ZNF438: variants seen among roughly 807,000 people sequenced by gnomAD.
The protein encoded by ZNF438 is zinc finger protein 438.
In ZNF438, 25 loss-of-function variants were observed where a neutral mutation model predicts 38.0. That is an observed-to-expected ratio of 0.66 (90% CI 0.48 to 0.92). ZNF438 has a LOEUF of 0.92. Ranked by LOEUF, ZNF438 falls within the 40% of genes least tolerant of loss-of-function variation. The pLI is 0.00. For missense variants in ZNF438, 1,007 were observed against 999.6 expected, an observed-to-expected ratio of 1.01 and a Z score of -0.10; for synonymous variants, 372 against 364.1, an observed-to-expected ratio of 1.02 and a Z score of -0.25.
At chr10:30,879,226 T>C (rs908377222) in intron 3 of ZNF438, among the ~76,000 whole-genome samples, 1 of 152,136 alleles carries the variant, frequency 6.6e-6, no homozygotes, top group Non-Finnish European at 1.5e-5. Flanking sequence ...AAAAAACTCA[T>C]AATCCACAAA....
chr10:30,904,917 T>A (rs1460500302), intron 3 of ZNF438, among the ~76,000 whole-genome samples: 1 of 152,192 alleles, frequency 6.6e-6, no homozygotes, highest in African/African-American at 2.4e-5. Flanking sequence ...TAGTGGCCCC[T>A]GTATCTTTCC....
intron 4 of ZNF438, 136 bp from the exon 6 acceptor site, chr10:30,850,503 G>A (rs1173803346): frequency 2.1e-6 from 2 of 950,614 alleles, no homozygotes; most frequent in Non-Finnish European, 3.0e-6. Flanking sequence ...GCAAAATCTT[G>A]TGTCCCTCAA....
chr10:31,012,119 T>TA (rs1216594307), intron 1 of ZNF438, among the ~76,000 whole-genome samples: 1 of 147,318 alleles, frequency 6.8e-6, no homozygotes, highest in African/African-American at 2.4e-5. Context: ...TCATTTTCTT[T>TA]TTTTTTTTTC....
chr10:31,009,691 C>T (rs1015873994), intron 1 of ZNF438, among the ~76,000 whole-genome samples: 3 of 152,118 alleles, frequency 2.0e-5, no homozygotes, highest in African/African-American at 4.8e-5. Flanking sequence ...CTTAAAGATT[C>T]ACTCTCAACT....
chr10:31,013,481 C>T (rs561314825), intron 1 of ZNF438, among the ~76,000 whole-genome samples: 13 of 152,252 alleles, frequency 8.5e-5, no homozygotes, highest in Non-Finnish European at 1.8e-4. Context: ...CCCTACACCC[C>T]CTTCACTCAG....
intron 2 of ZNF438, among the ~76,000 whole-genome samples, chr10:30,932,843 A>G (rs1404027439): frequency 6.6e-6 from 1 of 152,166 alleles, no homozygotes; most frequent in African/African-American, 2.4e-5. Context: ...AAGAGGAGGA[A>G]AATTTGGATG....
chr10:30,852,971 T>G lies in ZNF438; in HGVS notation c.38-2604A>C, dbSNP rs1308842479. The stretch of plus-strand genomic sequence containing the variant: ...ATTTTAAACCTCACCTTCTCATCTT[T>G]TTTTTTTTGGAAGAAGTACCAAAAT... On this transcript the variant is annotated intron_variant, in intron 4 of 5. Coordinates refer to ENST00000413025, the Ensembl canonical transcript of ZNF438. 2.0e-5 allele frequency among the ~76,000 whole-genome samples: 3 copies of G among 152,134 alleles called. No homozygotes were observed. The East Asian group carries it at 5.8e-4, about 29-fold the overall frequency.
chr10:30,881,786 T>C (rs2039295828), intron 3 of ZNF438, among the ~76,000 whole-genome samples: 1 of 152,150 alleles, frequency 6.6e-6, no homozygotes, highest in African/African-American at 2.4e-5. Context: ...TCTACACAGA[T>C]ATGTATTTTC....
At chr10:30,866,774 C>G (rs921224619) in intron 4 of ZNF438, among the ~76,000 whole-genome samples, 2 of 151,668 alleles carry the variant, frequency 1.3e-5, no homozygotes, top group Non-Finnish European at 1.5e-5. Flanking sequence ...GTGGAGCTTG[C>G]AGTGAGCCGA....
chr10:30,981,305 C>A (rs979305987), intron 1 of ZNF438, among the ~76,000 whole-genome samples: 2 of 152,144 alleles, frequency 1.3e-5, no homozygotes, highest in African/African-American at 4.8e-5. Flanking sequence ...CTCTAGGTCA[C>A]CCAGTGTGAT....
At chr10:30,902,815 T>G (rs1041447505) in intron 3 of ZNF438, among the ~76,000 whole-genome samples, 2 of 152,210 alleles carry the variant, frequency 1.3e-5, no homozygotes, top group Non-Finnish European at 2.9e-5. Flanking sequence ...CCCGCACTCC[T>G]CAGCCCTTGG....
At position 30,950,668 on chromosome 10, in the gene ZNF438, G is replaced by C. The variant is rs1409993460; in HGVS notation, c.-191-9017C>G. On this transcript the variant is annotated intron_variant, in intron 1 of 5. Coordinates refer to ENST00000413025, the Ensembl canonical transcript of ZNF438. ...TCTAGAAGAAATGGATAAATTCCTT[G>C]ACACATACACTCTCCCAAGACTAAA... 2.7e-5 allele frequency among the ~76,000 whole-genome samples: 4 copies of C among 145,592 alleles called. No individual in the cohort carries two copies. The East Asian group carries it at 5.8e-4, about 21-fold the overall frequency.
At chr10:30,901,198 A>C (rs2134255466) in intron 3 of ZNF438, among the ~76,000 whole-genome samples, 1 of 152,340 alleles carries the variant, frequency 6.6e-6, no homozygotes, top group African/African-American at 2.4e-5. Flanking sequence ...TTTAGCGGTC[A>C]GTTGGTTCTG....
chr10:30,956,176 A>G (rs2048841657), intron 1 of ZNF438, among the ~76,000 whole-genome samples: 1 of 152,226 alleles, frequency 6.6e-6, no homozygotes, highest in Non-Finnish European at 1.5e-5. Flanking sequence ...GATTACAAAT[A>G]GAAAATTAAG....
chr10:31,014,447 T>C (rs2056011409), intron 1 of ZNF438, among the ~76,000 whole-genome samples: 2 of 152,192 alleles, frequency 1.3e-5, no homozygotes, highest in Admixed American at 1.3e-4. Context: ...TCTCTTCTTA[T>C]AAGCGCACTA....
intron 3 of ZNF438, among the ~76,000 whole-genome samples, chr10:30,894,465 C>T (rs907132700): frequency 6.6e-5 from 10 of 152,096 alleles, no homozygotes; most frequent in Non-Finnish European, 1.2e-4. Flanking sequence ...TGCCCTGAAA[C>T]GAGAATCATA....
chr10:30,850,105 A>G (rs2033282649), exon 5 of ZNF438: 7 of 1,614,128 alleles, frequency 4.3e-6, no homozygotes, highest in African/African-American at 1.3e-5. Flanking sequence ...GAGCTGAGGC[A>G]ACATGTGGCA....
chr10:30,883,089 T>A (rs1196174050), intron 3 of ZNF438, among the ~76,000 whole-genome samples: 1 of 152,118 alleles, frequency 6.6e-6, no homozygotes, highest in Non-Finnish European at 1.5e-5. Context: ...ACTTAAAAAA[T>A]TTATAGAAGA....
At chr10:30,847,954 A>G (rs1393656101) in intron 5 of ZNF438, among the ~76,000 whole-genome samples, 1 of 152,238 alleles carries the variant, frequency 6.6e-6, no homozygotes. Flanking sequence ...AAGTGGGTGG[A>G]ACGAGCCTAA....
Sources: allele counts gnomAD v4.1 joint callset (sites outside exome capture counted in the v4.1 genomes callset), GRCh38; gene constraint gnomAD v4.1.1; transcripts MANE v1.5; gene names NCBI Gene and HGNC (gene_info 2026-07-23, HGNC 2026-07-21).